The following NTM variants were observed in gnomAD, a reference collection of about 807,000 sequenced individuals.
NTM encodes neurotrimin, also known as IgLON family member 2.
A neutral mutation model predicts 42.1 loss-of-function variants in NTM; 13 were observed. The observed-to-expected ratio is 0.31, with a 90% CI of 0.20 to 0.49. The LOEUF is 0.49. NTM is among the 20% of genes least tolerant of loss of function. The pLI is 0.99. For synonymous variants in NTM, 187 were observed against 179.2 expected (o/e 1.04, Z -0.35); for missense variants, 373 against 452.8 (o/e 0.82, Z 1.60).
At chr11:131,779,215 C>A (rs1016720058) in intron 1 of NTM, among the ~76,000 whole-genome samples, 5 of 152,178 alleles carry the variant, frequency 3.3e-5, no homozygotes, top group African/African-American at 9.6e-5. Flanking sequence ...GGATTCGAAA[C>A]CTCAGGTGAG....
At chr11:132,196,950 AAG>A (rs1203235784) in intron 3 of NTM, among the ~76,000 whole-genome samples, 2 of 152,194 alleles carry the variant, frequency 1.3e-5, no homozygotes, top group Non-Finnish European at 2.9e-5. Flanking sequence ...AAGAGAAAAA[AAG>A]AAAATAAAAA....
chr11:131,377,200 A>T (rs1942085782), intron 1 of NTM, among the ~76,000 whole-genome samples: 1 of 152,170 alleles, frequency 6.6e-6, no homozygotes. Context: ...TAACACAGAG[A>T]TGCTGCCTTT....
At chr11:131,536,570 C>A (rs2136729233) in intron 1 of NTM, 1 of 152,262 alleles carries the variant, frequency 6.6e-6, no homozygotes, top group South Asian at 2.1e-4. Flanking sequence ...ATAAACCCAT[C>A]ACTAGATTCT....
At chr11:131,664,977 G>A (rs2134533478) in intron 1 of NTM, among the ~76,000 whole-genome samples, 1 of 152,178 alleles carries the variant, frequency 6.6e-6, no homozygotes, top group Non-Finnish European at 1.5e-5. Flanking sequence ...CTTCTGCTGG[G>A]CACCAGAGGC....
intron 2 of NTM, among the ~76,000 whole-genome samples, chr11:131,992,032 C>T (rs1296494988): frequency 6.6e-6 from 1 of 152,132 alleles, no homozygotes; most frequent in Admixed American, 6.6e-5. Context: ...ATGAAAAATA[C>T]ACAGTTGATT....
chr11:132,098,627 C>A (rs1235231348), intron 2 of NTM, among the ~76,000 whole-genome samples: 1 of 152,244 alleles, frequency 6.6e-6, no homozygotes, highest in Admixed American at 6.5e-5. Flanking sequence ...CAACTCCAGG[C>A]AAGTCTGGCT....
At position 131,444,203 on chromosome 11, in the gene NTM, CAAAAAAAA is replaced by C. The variant is rs71475757; in HGVS notation, c.82+73333_82+73340del. ...CTCAACAGTGGCTAAAGGTTAGAAC[CAAAAAAAA>C]AAAAAAAAAAAAAAAAATAGAAGCC... On this transcript the variant is annotated intron_variant, in intron 1 of 8. Transcript: ENST00000683400. 5.3e-4 allele frequency among the ~76,000 whole-genome samples: 26 copies of C among 49,518 alleles called. 1 individual carries two copies. The highest frequency in any genetic ancestry group is 1.7e-3 in the Admixed American group (5 of 3,018). The allele number at this position is 49,518 out of a possible 152,430, so 32.5% of individuals were successfully genotyped here.
chr11:131,639,438 T>A (rs2064846265), intron 1 of NTM, among the ~76,000 whole-genome samples: 1 of 152,160 alleles, frequency 6.6e-6, no homozygotes, highest in Non-Finnish European at 1.5e-5. Flanking sequence ...AAAGAAATCT[T>A]AGAAAACTAA....
chr11:131,916,918 C>T (rs1291714942), intron 2 of NTM, among the ~76,000 whole-genome samples: 1 of 152,206 alleles, frequency 6.6e-6, no homozygotes. Flanking sequence ...CTGATCTTCC[C>T]ATGGACAGCT....
chr11:132,305,789 G>T (rs766672308), intron 4 of NTM, among the ~76,000 whole-genome samples: 5 of 152,114 alleles, frequency 3.3e-5, no homozygotes, highest in Non-Finnish European at 7.4e-5. Context: ...ATTCATAAAG[G>T]CTACTGAGAC....
chr11:131,971,142 T>C (rs558340066), intron 2 of NTM, among the ~76,000 whole-genome samples: 3 of 152,324 alleles, frequency 2.0e-5, no homozygotes, highest in African/African-American at 7.2e-5. Context: ...GCTGCCATAT[T>C]GCTTTTCAAT....
intron 1 of NTM, among the ~76,000 whole-genome samples, chr11:131,708,465 C>T (rs1033785598): frequency 6.6e-6 from 1 of 152,054 alleles, no homozygotes; most frequent in Non-Finnish European, 1.5e-5. Flanking sequence ...AGACAAAAAG[C>T]AATTTGGCTG....
intron 2 of NTM, among the ~76,000 whole-genome samples, chr11:132,081,622 C>T (rs1348602450): frequency 2.0e-5 from 3 of 151,744 alleles, no homozygotes; most frequent in South Asian, 4.2e-4. Flanking sequence ...GTCCCAGCTA[C>T]TTGGGAGGCC....
At chr11:131,790,630 G>T (rs1290444427) in intron 1 of NTM, among the ~76,000 whole-genome samples, 2 of 152,154 alleles carry the variant, frequency 1.3e-5, no homozygotes. Flanking sequence ...ACCTTCACCT[G>T]GGGTCCTCAC....
chr11:131,500,603 A>G (rs2046682984), intron 1 of NTM, among the ~76,000 whole-genome samples: 1 of 131,918 alleles, frequency 7.6e-6, no homozygotes, highest in South Asian at 2.4e-4. Context: ...TTTGTATTAT[A>G]CTTTAAGTTC....
At chr11:132,276,054 A>T (rs1018852465) in intron 4 of NTM, among the ~76,000 whole-genome samples, 8 of 148,296 alleles carry the variant, frequency 5.4e-5, no homozygotes, top group African/African-American at 2.0e-4. Flanking sequence ...TTGACTTTTA[A>T]TTTTTTTTTT....
At chr11:131,613,250 A>G (rs2061609457) in intron 1 of NTM, among the ~76,000 whole-genome samples, 1 of 152,156 alleles carries the variant, frequency 6.6e-6, no homozygotes, top group Non-Finnish European at 1.5e-5. Flanking sequence ...CCACTCCGAC[A>G]AGCAGACCCT....
chr11:131,516,375 CTTTTCT>C (rs1180710293), intron 1 of NTM, among the ~76,000 whole-genome samples: 5 of 152,160 alleles, frequency 3.3e-5, no homozygotes, highest in African/African-American at 1.2e-4. Context: ...GACCCTGACC[CTTTTCT>C]TTTTATTTTT....
chr11:132,072,330 T>G (rs1375281855), intron 2 of NTM, among the ~76,000 whole-genome samples: 1 of 152,054 alleles, frequency 6.6e-6, no homozygotes, highest in Non-Finnish European at 1.5e-5. Context: ...CAGACTCCCG[T>G]AGGGAAGTAG....
Sources: allele counts gnomAD v4.1 joint callset (sites outside exome capture counted in the v4.1 genomes callset), GRCh38; gene constraint gnomAD v4.1.1; transcripts MANE v1.5; gene names NCBI Gene and HGNC (gene_info 2026-07-23, HGNC 2026-07-21).